The following P2RX5 variants were observed in gnomAD, a reference collection of about 807,000 sequenced individuals.
The protein encoded by P2RX5 is P2X purinoceptor 5.
Under a neutral mutation model 54.1 loss-of-function variants are expected in P2RX5, and 46 were observed. The ratio of observed to expected loss-of-function variants is 0.85; its 90% CI spans 0.67 to 1.09. The LOEUF (loss-of-function observed/expected upper bound fraction) is 1.09, where lower values mean the gene tolerates loss of function less well. P2RX5 is among the 50% of genes least tolerant of loss of function. The pLI is 0.00. For synonymous variants in P2RX5, 226 were observed against 226.4 expected, an observed-to-expected ratio of 1.00 and a Z score of 0.02; for missense variants, 566 against 549.8, an observed-to-expected ratio of 1.03 and a Z score of -0.29.
At chr17:3,679,834 C>A (rs1368311680) in intron 10 of P2RX5, 50 bp from the exon 11 acceptor site, 1 of 1,528,514 alleles carries the variant, frequency 6.5e-7, no homozygotes, top group Admixed American at 1.7e-5. Flanking sequence ...AGGGTGCCTC[C>A]CCTCCTAGAC....
At chr17:3,722,801 T>C in the P2RX5 span, among the ~76,000 whole-genome samples, 1 of 152,228 alleles carries the variant, frequency 6.6e-6, no homozygotes, top group South Asian at 2.1e-4. Flanking sequence ...TTTGTTTGTT[T>C]GTTATTTTTA....
chr17:3,705,909 A>C, the P2RX5 span, among the ~76,000 whole-genome samples: 1 of 149,850 alleles, frequency 6.7e-6, no homozygotes, highest in African/African-American at 2.5e-5. Flanking sequence ...TGATCCTCCC[A>C]CCTCAGCCTC....
intron 7 of P2RX5, among the ~76,000 whole-genome samples, chr17:3,689,092 C>T (rs1424372346): frequency 6.6e-6 from 1 of 152,274 alleles, no homozygotes. Context: ...CTCAGAACCG[C>T]ACAGCAGGTG....
chr17:3,689,941 C>A lies in P2RX5; in HGVS notation c.614+129G>T, dbSNP rs575367091. The A allele has an allele frequency of 1.6e-5, 15 of 911,356 alleles. No individual in the cohort carries two copies. The South Asian group carries it at 1.8e-4, about 11-fold the overall frequency. The allele number at this position is 911,356 out of a possible 1,614,324, so 56.5% of individuals were successfully genotyped here. On this transcript the variant is annotated intron_variant, in intron 6 of 11. Coordinates refer to ENST00000225328, the MANE Select transcript of P2RX5 (RefSeq NM_002561.4). The stretch of plus-strand genomic sequence containing the variant: ...ACATGCACGCGCACACACGCACACA[C>A]GCGAACACACGCACACACGTGCACA...
At chr17:3,682,139 G>A (rs1286712577) in intron 9 of P2RX5, 161 bp from the exon 10 acceptor site, 7 of 673,656 alleles carry the variant, frequency 1.0e-5, no homozygotes, top group Admixed American at 4.1e-5. Context: ...ACCCTTGTCC[G>A]ACACCACAGA....
chr17:3,673,906 TGA>T, intron 11 of P2RX5, 29 bp from the exon 12 acceptor site: 12 of 1,597,974 alleles, frequency 7.5e-6, no homozygotes, highest in Non-Finnish European at 1.0e-5. Context: ...AAGGAGCTCT[TGA>T]GAGGCTGGCA....
At chr17:3,695,134 T>C (rs1409478314) in intron 1 of P2RX5, among the ~76,000 whole-genome samples, 1 of 152,164 alleles carries the variant, frequency 6.6e-6, no homozygotes, top group African/African-American at 2.4e-5. Flanking sequence ...GCATCCCCAT[T>C]GTCCAGCGCT....
At chr17:3,712,238 A>T in the P2RX5 span, among the ~76,000 whole-genome samples, 1 of 152,206 alleles carries the variant, frequency 6.6e-6, no homozygotes, top group Non-Finnish European at 1.5e-5. Context: ...GAAAACAGAG[A>T]ACAATATCAT....
chr17:3,692,042 C>T, intron 1 of P2RX5: 1 of 538,682 alleles, frequency 1.9e-6, no homozygotes, highest in Non-Finnish European at 3.4e-6. Flanking sequence ...CAAAGACCAG[C>T]CGGGCGCAGT....
the P2RX5 span, among the ~76,000 whole-genome samples, chr17:3,719,179 T>G: frequency 7.4e-6 from 1 of 135,746 alleles, no homozygotes; most frequent in African/African-American, 2.9e-5. Flanking sequence ...GAGGTTGCAG[T>G]GAGCCGAGAT....
rs2050036584 is a variant in P2RX5, at chr17:3,673,818, G to C, written c.*50C>G. The C allele has an allele frequency of 3.1e-6, 5 of 1,612,550 alleles. No individual in the cohort carries two copies. The highest frequency in any genetic ancestry group is 4.2e-6 in the Non-Finnish European group (5 of 1,179,988). On this transcript the variant is annotated 3_prime_UTR_variant, in exon 12 of 12. Coordinates refer to ENST00000225328, the MANE Select transcript of P2RX5 (RefSeq NM_002561.4). ...ATTCCCAAAGGCATGGGATCACTGG[G>C]TGCTAGACGGCTGGGTTTAGGACAG... is the stretch of plus-strand genomic sequence containing the variant.
chr17:3,695,986 T>A lies in P2RX5; in HGVS notation c.20A>T (p.Lys7Met). MGQAGC[K>M]GLCLSLFDYK... Reference sequence around the variant, plus strand: ...GTCGAACAGCGACAGGCAGAGCCCCTTGCAGCCCGCCTGCCCCATGGCGCG... The same window carrying A: ...GTCGAACAGCGACAGGCAGAGCCCCATGCAGCCCGCCTGCCCCATGGCGCG... The change falls in exon 1 of 12, where the codon AAG becomes ATG. Residue 7 changes from lysine (K) to methionine (M), a missense_variant. Transcript: ENST00000225328. The A allele has an allele frequency of 1.2e-6, 2 of 1,613,904 alleles. No individual in the cohort carries two copies.
At chr17:3,720,582 T>TC in the P2RX5 span, 1 of 416,826 alleles carries the variant, frequency 2.4e-6, no homozygotes, top group Non-Finnish European at 4.1e-6. Flanking sequence ...TTCTTCAACT[T>TC]CCTTTTTTTT....
At chr17:3,715,197 T>A in the P2RX5 span, among the ~76,000 whole-genome samples, 1 of 152,234 alleles carries the variant, frequency 6.6e-6, no homozygotes, top group Non-Finnish European at 1.5e-5. Context: ...CCTTTTTAAC[T>A]TATTTTGCAA....
chr17:3,675,994 A>C, intron 11 of P2RX5: 1 of 985,334 alleles, frequency 1.0e-6, no homozygotes, highest in South Asian at 4.7e-5. Context: ...TCCCTCTCCA[A>C]AGCCTCAGTG....
the P2RX5 span, among the ~76,000 whole-genome samples, chr17:3,722,730 C>G: frequency 2.0e-5 from 3 of 152,168 alleles, no homozygotes. Flanking sequence ...AGATCAAGTA[C>G]TGCCTTGCTC....
upstream of P2RX5, among the ~76,000 whole-genome samples, chr17:3,700,347 A>C (rs897097602): frequency 1.1e-4 from 16 of 152,130 alleles, no homozygotes; most frequent in African/African-American, 3.4e-4. Flanking sequence ...AGCCTGACCA[A>C]CATGGTGAAA....
At chr17:3,693,127 C>CAAAAAAAAAA (rs34356240) in intron 1 of P2RX5, among the ~76,000 whole-genome samples, 2 of 101,666 alleles carry the variant, frequency 2.0e-5, no homozygotes, top group African/African-American at 4.1e-5. Context: ...AGACATTTCT[C>CAAAAAAAAAA]AAAAAAAAAA....
chr17:3,714,076 T>G, the P2RX5 span, among the ~76,000 whole-genome samples: 1 of 142,754 alleles, frequency 7.0e-6, no homozygotes, highest in Non-Finnish European at 1.5e-5. Context: ...TACAGGCACC[T>G]GCCACCGCAC....
Sources: allele counts gnomAD v4.1 joint callset (sites outside exome capture counted in the v4.1 genomes callset), GRCh38; gene constraint gnomAD v4.1.1; transcripts MANE v1.5; gene names NCBI Gene and HGNC (gene_info 2026-07-23, HGNC 2026-07-21).